PRAMEF1: variants seen among roughly 807,000 people sequenced by gnomAD.
The protein encoded by PRAMEF1 is PRAME family member 1.
PRAMEF1 carries 21 observed loss-of-function variants against 38.2 expected under a neutral mutation model. The observed-to-expected ratio is 0.55, with a 90% CI of 0.39 to 0.79. PRAMEF1 has a LOEUF of 0.79. Among genes scored for constraint, PRAMEF1 ranks in the 30% least tolerant of loss-of-function variants. The pLI, the probability that PRAMEF1 is intolerant of heterozygous loss-of-function variation, is 0.00. For synonymous variants in PRAMEF1, 200 were observed against 229.0 expected (o/e 0.87, Z 1.14); for missense variants, 497 against 565.8 (o/e 0.88, Z 1.23).
At chr1:12,793,085 G>C in intron 1 of PRAMEF1, 118 bp from the exon 2 acceptor site, 1 of 1,337,092 alleles carries the variant, frequency 7.5e-7, no homozygotes, top group Non-Finnish European at 1.0e-6. Context: ...TAATAAGTCA[G>C]TGGTCTCCAT....
Position 12,793,071 on chromosome 1 carries a change from AAATT to A in PRAMEF1, c.-25-128_-25-125del, listed in dbSNP as rs1191828669. 5.7e-5 allele frequency: 72 copies of A among 1,261,798 alleles called. 5 individuals carry two copies. The East Asian group carries it at 1.8e-3, about 31-fold the overall frequency. 78.2% of individuals were successfully genotyped at this position (1,261,798 alleles called of 1,614,324 possible). On this transcript the variant is annotated intron_variant, in intron 1 of 3. Transcript: ENST00000332296. Reference sequence around the variant, plus strand: ...TGGGATTCAGTGGAGCAATGGAAGAAAATTAATAAGTCAGTGGTCTCCATGACCC... The same window carrying A: ...TGGGATTCAGTGGAGCAATGGAAGAAAATAAGTCAGTGGTCTCCATGACCC...
chr1:12,796,126 T>C lies in PRAMEF1; in HGVS notation c.*130T>C. ...ATTTCATTTTTTAATAATTCCAAAA[T>C]TTTTATTAAAGACAATTTGAGACAG... On this transcript the variant is annotated 3_prime_UTR_variant, in exon 4 of 4. Coordinates refer to ENST00000332296, the MANE Select transcript of PRAMEF1 (RefSeq NM_023013.4). 1.5e-6 allele frequency: 2 copies of C among 1,332,186 alleles called. No individual in the cohort carries two copies. The highest frequency in any genetic ancestry group is 1.5e-5 in the African/African-American group (1 of 67,586). The allele number at this position is 1,332,186 out of a possible 1,614,324, so 82.5% of individuals were successfully genotyped here.
At position 12,791,889 on chromosome 1, in the gene PRAMEF1, T is replaced by C. The variant is rs548459991; in HGVS notation, c.-26+415T>C. On this transcript the variant is annotated intron_variant, in intron 1 of 3. Transcript: ENST00000332296. ...TCTCAAGAGTGCAGTTTTGCTCAGA[T>C]CATGGGATTCATCTTTGCCCCTAGG... is the stretch of plus-strand genomic sequence containing the variant. Among the ~76,000 whole-genome samples, 48 of 151,144 alleles carry C rather than the reference T, an allele frequency of 3.2e-4. 3 individuals are homozygous for C. Among genetic ancestry groups the C allele is most frequent in the African/African-American group, 1.1e-3 (47 of 41,342 alleles).
chr1:12,794,623 A>T, intron 3 of PRAMEF1, 130 bp downstream of exon 3: 1 of 1,531,526 alleles, frequency 6.5e-7, no homozygotes, highest in South Asian at 1.3e-5. Flanking sequence ...CAGAATGTCA[A>T]CACATTGTCC....
At chr1:12,793,544 G>A (rs763995159) in intron 2 of PRAMEF1, 30 bp downstream of exon 2, 6 of 1,592,804 alleles carry the variant, frequency 3.8e-6, no homozygotes, top group Non-Finnish European at 5.1e-6. Context: ...CTGGTAGATA[G>A]GGCTCAGGTG....
chr1:12,791,745 G>C (rs1306922634), intron 1 of PRAMEF1, among the ~76,000 whole-genome samples: 2 of 151,220 alleles, frequency 1.3e-5, no homozygotes, highest in African/African-American at 4.8e-5. Flanking sequence ...TTTATTTCTT[G>C]ACATTTGAAG....
rs747614086 is a variant in PRAMEF1 at position 12,796,396 on chromosome 1, G to A, written c.*400G>A. 30 of 243,862 alleles carry A rather than the reference G, an allele frequency of 1.2e-4. No individual in the cohort carries two copies. The highest frequency in any genetic ancestry group is 2.0e-4 in the Non-Finnish European group (26 of 127,234). 15.1% of individuals were successfully genotyped at this position (243,862 alleles called of 1,614,324 possible). On this transcript the variant is annotated 3_prime_UTR_variant, in exon 4 of 4. Transcript: ENST00000332296. The stretch of plus-strand genomic sequence containing the variant: ...GGGACCCGTGTCCTAGAGTCGGAAA[G>A]AGAAGCTAAAGTTCTACAGTGATGA...
intron 3 of PRAMEF1, among the ~76,000 whole-genome samples, chr1:12,795,183 A>G (rs1211726489): frequency 0.021 from 3,175 of 149,922 alleles, 43 homozygotes; most frequent in South Asian, 0.046. Flanking sequence ...TTTTCTGCTA[A>G]AAGATGAAAA....
rs201958087 is a variant in PRAMEF1, at chr1:12,793,381, C to G, written c.154C>G (p.Leu52Val). 7.6e-5 allele frequency: 122 copies of G among 1,609,896 alleles called. 8 individuals are homozygous for G. Among genetic ancestry groups the G allele is most frequent in the East Asian group, 9.0e-5 (4 of 44,402 alleles). Residue 52 changes from leucine (L) to valine (V), a missense_variant, in exon 2 of 4, where the codon CTG becomes GTG. Leu to Val is a conservative substitution (Grantham distance 32). Coordinates refer to ENST00000332296, the MANE Select transcript of PRAMEF1 (RefSeq NM_023013.4). ...CTTCAGCAGGAGACACTTCCAGACT[C>G]TGACGGTGATGGTTCAGGCCTGGCC... ...EAFSRRHFQT[L>V]TVMVQAWPFT...
chr1:12,792,964 A>C (rs1271703883), intron 1 of PRAMEF1, among the ~76,000 whole-genome samples: 1 of 151,118 alleles, frequency 6.6e-6, no homozygotes, highest in African/African-American at 2.4e-5. Flanking sequence ...TCATTGCTTT[A>C]GGGTGGTAAG....
At position 12,795,842 on chromosome 1, in the gene PRAMEF1, G is replaced by A. The variant is rs373450723; in HGVS notation, c.1271G>A (p.Arg424His). 43 of 1,610,572 alleles carry A rather than the reference G, an allele frequency of 2.7e-5. 2 individuals are homozygous for A. In the Middle Eastern group the frequency reaches 9.0e-4, roughly 34 times the overall value. The change falls in exon 4 of 4, where the codon CGT becomes CAT. Residue 424 changes from arginine (R) to histidine (H), a missense_variant. Arg to His is a conservative substitution (Grantham distance 29). This residue lies in a region of PRAMEF1 where 27 missense variants were observed against 63.9 expected (regional missense o/e 0.42). Transcript: ENST00000332296. Reference protein sequence around the residue: ...APEESLNSLVRVNWEIFTPLR... With the variant: ...APEESLNSLVHVNWEIFTPLR... ...GAGGAGAGTTTGAATTCCTTGGTTC[G>A]TGTCAATTGGGAGATCTTCACCCCA...
rs1402624541 is a variant in PRAMEF1 at position 12,793,118 on chromosome 1, G to A, written c.-25-85G>A. ...CATGACCCCTCCCTCCTTGGTGTTT[G>A]GAAGACATTCTTCCTGGTACCAGTA... On this transcript the variant is annotated intron_variant, in intron 1 of 3. Transcript: ENST00000332296. The A allele has an allele frequency of 7.2e-5, 110 of 1,525,026 alleles. 3 individuals are homozygous for A. Among genetic ancestry groups the A allele is most frequent in the Non-Finnish European group, 9.3e-5 (104 of 1,122,758 alleles). 94.5% of individuals were successfully genotyped at this position (1,525,026 alleles called of 1,614,324 possible). A position where few individuals can be genotyped will look rare whatever the true frequency, so the allele number is the denominator to read the frequency against.
Position 12,794,484 on chromosome 1 carries a change from A to G in PRAMEF1, c.857A>G (p.Gln286Arg), listed in dbSNP as rs143734773. Residue 286 changes from glutamine (Q) to arginine (R), a missense_variant, in exon 3 of 4, where the codon CAG (glutamine) becomes CGG (arginine). Physicochemically the swap from Gln to Arg is conservative, Grantham distance 43. Coordinates refer to ENST00000332296, the MANE Select transcript of PRAMEF1 (RefSeq NM_023013.4). Reference sequence around the variant, plus strand: ...ACCTTCTTCAGTGGGCACCTGGAACAGCTGATCAGGTGAGAAAGGATCATG... The same window carrying G: ...ACCTTCTTCAGTGGGCACCTGGAACGGCTGATCAGGTGAGAAAGGATCATG... ...LITFFSGHLE[Q>R]LIRCLQNPLE... 1 of 1,610,104 alleles carries G rather than the reference A, an allele frequency of 6.2e-7. No homozygotes were observed. Among genetic ancestry groups the G allele is most frequent in the Non-Finnish European group, 8.5e-7 (1 of 1,177,780 alleles).
Position 12,793,388 on chromosome 1 carries a change from T to C in PRAMEF1, c.161T>C (p.Val54Ala), listed in dbSNP as rs752625150. Residue 54 changes from valine to alanine, a missense_variant, in exon 2 of 4, where the codon GTG becomes GCG. Physicochemically the swap from Val to Ala is moderately conservative, Grantham distance 64. Transcript: ENST00000332296. Reference protein sequence around the residue: ...FSRRHFQTLTVMVQAWPFTCL... With the variant: ...FSRRHFQTLTAMVQAWPFTCL... ...AGGAGACACTTCCAGACTCTGACGGTGATGGTTCAGGCCTGGCCCTTCACC... is the reference window on the plus strand; with the variant it reads ...AGGAGACACTTCCAGACTCTGACGGCGATGGTTCAGGCCTGGCCCTTCACC... 3 of 1,609,882 alleles carry C rather than the reference T, an allele frequency of 1.9e-6. No homozygotes were observed. Among genetic ancestry groups the C allele is most frequent in the African/African-American group, 2.7e-5 (2 of 74,670 alleles).
At chr1:12,793,560 G>A (rs550556532) in intron 2 of PRAMEF1, 46 bp downstream of exon 2, 1 of 1,564,544 alleles carries the variant, frequency 6.4e-7, no homozygotes, top group African/African-American at 1.4e-5. Context: ...AGGTGTCCAG[G>A]GAAAGAACAG....
chr1:12,794,458 C>A lies in PRAMEF1; in HGVS notation c.831C>A (p.Ile277=). The change falls in exon 3 of 4, where the codon ATC becomes ATA. Residue 277 remains isoleucine, a synonymous_variant. Transcript: ENST00000332296. The stretch of plus-strand genomic sequence containing the variant: ...TTCAGTTGCTTAAAATAAAATTGAT[C>A]ACCTTCTTCAGTGGGCACCTGGAAC... The part of the protein sequence containing the change: ...EHLQLLKIKL[I]TFFSGHLEQL... 1 of 1,610,298 alleles carries A rather than the reference C, an allele frequency of 6.2e-7. No homozygotes were observed. The highest frequency in any genetic ancestry group is 8.5e-7 in the Non-Finnish European group (1 of 1,177,876).
chr1:12,795,337 A>C (rs1371261824), intron 3 of PRAMEF1, 101 bp from the exon 4 acceptor site: 3 of 1,025,894 alleles, frequency 2.9e-6, no homozygotes, highest in Non-Finnish European at 4.3e-6. Context: ...AGATGGTGGG[A>C]ACAAACTTGT....
intron 3 of PRAMEF1, chr1:12,795,075 C>G: frequency 2.7e-6 from 3 of 1,099,930 alleles, no homozygotes; most frequent in Non-Finnish European, 3.7e-6. Flanking sequence ...GTCAGGGAGC[C>G]CCTGCTGACA....
chr1:12,794,292 G>A lies in PRAMEF1; in HGVS notation c.665G>A (p.Arg222Lys), dbSNP rs1178735902. Residue 222 changes from arginine (R) to lysine (K), a missense_variant, in exon 3 of 4, where the codon AGA (arginine) becomes AAA (lysine). By Grantham distance (26) the Arg-to-Lys change is conservative. Coordinates refer to ENST00000332296, the MANE Select transcript of PRAMEF1 (RefSeq NM_023013.4). ...IRNMSWPRLI[R>K]KLRCYLKEMK... ...AACATGTCCTGGCCACGTCTGATAAGAAAGCTTCGTTGTTACCTGAAGGAG... is the reference window on the plus strand; with the variant it reads ...AACATGTCCTGGCCACGTCTGATAAAAAAGCTTCGTTGTTACCTGAAGGAG... 12 of 1,611,948 alleles carry A rather than the reference G, an allele frequency of 7.4e-6. No individual in the cohort carries two copies. Among genetic ancestry groups the A allele is most frequent in the Admixed American group, 3.3e-5 (2 of 59,792 alleles).
Sources: allele counts gnomAD v4.1 joint callset (sites outside exome capture counted in the v4.1 genomes callset), GRCh38; gene constraint gnomAD v4.1.1; regional missense constraint gnomAD v4.1.1; transcripts MANE v1.5; gene names NCBI Gene and HGNC (gene_info 2026-07-23, HGNC 2026-07-21).